KIRREL3: variants seen among roughly 807,000 people sequenced by gnomAD.
KIRREL3 encodes the protein kin of IRRE-like protein 3.
In KIRREL3, 36 loss-of-function variants were observed where a neutral mutation model predicts 89.7. The ratio of observed to expected loss-of-function variants is 0.40; its 90% CI spans 0.31 to 0.53. The LOEUF is 0.53. Among genes scored for constraint, KIRREL3 ranks in the 20% least tolerant of loss-of-function variants. The probability of loss-of-function intolerance (pLI) is 0.49; values close to 1 mark genes in which losing one functional copy is unlikely to be tolerated. For missense variants in KIRREL3, 864 were observed against 1,056.6 expected (o/e 0.82, Z 2.53); for synonymous variants, 445 against 441.4 (o/e 1.01, Z -0.10).
intron 1 of KIRREL3, among the ~76,000 whole-genome samples, chr11:126,660,313 T>C (rs1327811877): frequency 5.9e-5 from 9 of 152,182 alleles, no homozygotes; most frequent in African/African-American, 1.9e-4. Flanking sequence ...CAAATGATGA[T>C]ACCTCAGAGA....
In KIRREL3 at chr11:126,863,422, CATGT is replaced by C. The variant is rs1476999855; in HGVS notation, c.55+137029_55+137032del. ...GAGTGCGTGAGTGCGTGTGTGAGCG[CATGT>C]GTGTGAGTGCGTGTGTGAGTGTGTG... is the stretch of plus-strand genomic sequence containing the variant. On this transcript the variant is annotated intron_variant, in intron 1 of 16. Transcript: ENST00000525144. Among the ~76,000 whole-genome samples, 204 of 118,362 alleles carry C rather than the reference CATGT, an allele frequency of 1.7e-3. 6 individuals are homozygous for C. Among genetic ancestry groups the C allele is most frequent in the African/African-American group, 5.4e-3 (189 of 34,906 alleles). The allele number at this position is 118,362 out of a possible 152,430, so 77.7% of individuals were successfully genotyped here.
intron 1 of KIRREL3, among the ~76,000 whole-genome samples, chr11:126,923,185 TTC>T (rs61321144): frequency 0.1 from 2,693 of 26,606 alleles, 668 homozygotes; most frequent in Middle Eastern, 0.22. Flanking sequence ...TCTCTTCTTC[TTC>T]TCTTCTTCTT....
chr11:126,853,469 G>T (rs1001522258), intron 1 of KIRREL3, among the ~76,000 whole-genome samples: 1 of 152,082 alleles, frequency 6.6e-6, no homozygotes, highest in Non-Finnish European at 1.5e-5. Flanking sequence ...ATGGGTAAAA[G>T]AAGTGATGTC....
At position 126,463,043 on chromosome 11, in the gene KIRREL3, C is replaced by G; in HGVS notation, c.742+114G>C. 1 of 1,014,790 alleles carries G rather than the reference C, an allele frequency of 9.9e-7. No homozygotes were observed. Among genetic ancestry groups the G allele is most frequent in the South Asian group, 1.6e-5 (1 of 62,704 alleles). The allele number at this position is 1,014,790 out of a possible 1,614,324, so 62.9% of individuals were successfully genotyped here. ...CCGTATCTACAAGCTGGCCAATCCA[C>G]AGAGCTGCCTGACCCATTTCCTGCT... On this transcript the variant is annotated intron_variant, in intron 6 of 16. Coordinates refer to ENST00000525144, the MANE Select transcript of KIRREL3 (RefSeq NM_032531.4). The surrounding 1 kb of genome is among the most constrained non-coding windows in gnomAD (Gnocchi z 5.9).
chr11:126,451,837 A>G (rs78439938), intron 7 of KIRREL3, among the ~76,000 whole-genome samples: 1,903 of 152,190 alleles, frequency 0.013, 40 homozygotes, highest in African/African-American at 0.044. Context: ...AAACCACGGA[A>G]CTTCTCTTCA....
At chr11:126,452,398 C>T (rs914276185) in intron 7 of KIRREL3, among the ~76,000 whole-genome samples, 2 of 152,220 alleles carry the variant, frequency 1.3e-5, no homozygotes, top group African/African-American at 4.8e-5. Flanking sequence ...TTCCTTTCAC[C>T]CTGCTGAGGC....
At chr11:126,944,501 ATCGGGC>A (rs1174848328) in intron 1 of KIRREL3, 1 of 152,356 alleles carries the variant, frequency 6.6e-6, no homozygotes, top group Non-Finnish European at 1.5e-5. Context: ...CTTGGAGGGC[ATCGGGC>A]TTGGTTGCCA....
In KIRREL3 at chr11:126,693,218, A is replaced by C. The variant is rs111379937; in HGVS notation, c.56-130306T>G. Reference sequence around the variant, plus strand: ...CAGACTGCCTGAGATCAGGAGTTTGAGACCAGCCTGGGCAACACAGCGAAA... The same window carrying C: ...CAGACTGCCTGAGATCAGGAGTTTGCGACCAGCCTGGGCAACACAGCGAAA... On this transcript the variant is annotated intron_variant, in intron 1 of 16. Coordinates refer to ENST00000525144, the MANE Select transcript of KIRREL3 (RefSeq NM_032531.4). 1.0e-3 allele frequency among the ~76,000 whole-genome samples: 154 copies of C among 152,332 alleles called. 1 individual carries two copies. The highest frequency in any genetic ancestry group is 3.5e-3 in the African/African-American group (147 of 41,574).
chr11:126,842,356 C>T (rs1167842298), intron 1 of KIRREL3, among the ~76,000 whole-genome samples: 2 of 152,158 alleles, frequency 1.3e-5, no homozygotes, highest in East Asian at 1.9e-4. Flanking sequence ...TGAAAAAAAC[C>T]TCCCTTCATA....
Position 126,704,255 on chromosome 11 carries a change from C to A in KIRREL3, c.56-141343G>T, listed in dbSNP as rs1005512993. Reference sequence around the variant, plus strand: ...TGCATCATATCTGTTCATGTGCATGCATGTGCACAGCTGTTCCCCTTAACT... The same window carrying A: ...TGCATCATATCTGTTCATGTGCATGAATGTGCACAGCTGTTCCCCTTAACT... On this transcript the variant is annotated intron_variant, in intron 1 of 16. Transcript: ENST00000525144. The surrounding 1 kb of genome is among the most constrained non-coding windows in gnomAD (Gnocchi z 4.2). Among the ~76,000 whole-genome samples the A allele has an allele frequency of 6.6e-6, 1 of 152,184 alleles. No homozygotes were observed. The highest frequency in any genetic ancestry group is 2.4e-5 in the African/African-American group (1 of 41,438).
At position 126,475,830 on chromosome 11, in the gene KIRREL3, C is replaced by T. The variant is rs1332129325; in HGVS notation, c.434-2364G>A. 1.3e-5 allele frequency among the ~76,000 whole-genome samples: 2 copies of T among 152,208 alleles called. No individual in the cohort carries two copies. Among genetic ancestry groups the T allele is most frequent in the Admixed American group, 6.5e-5 (1 of 15,280 alleles). ...GGAGGAGGGGAATTGCATCTCCACG[C>T]GGTGAGTGGGGGACTTGCAGCAGGA... On this transcript the variant is annotated intron_variant, in intron 4 of 16. Coordinates refer to ENST00000525144, the MANE Select transcript of KIRREL3 (RefSeq NM_032531.4). The surrounding 1 kb of genome is among the most constrained non-coding windows in gnomAD (Gnocchi z 7.5).
At position 126,521,420 on chromosome 11, in the gene KIRREL3, G is replaced by T. The variant is rs754168795; in HGVS notation, c.328C>A (p.His110Asn). Reference sequence around the variant, plus strand: ...TCTGCCCTCAGGATCTTCAGGTGGTGCTCCCCTGACAGGTGGTTCCCTACC... The same window carrying T: ...TCTGCCCTCAGGATCTTCAGGTGGTTCTCCCCTGACAGGTGGTTCCCTACC... ...LVVGNHLSGE[H>N]HLKILRAELQ... Residue 110 changes from histidine (H) to asparagine (N), a missense_variant, in exon 4 of 17, where the codon CAC (histidine) becomes AAC (asparagine). Coordinates refer to ENST00000525144, the MANE Select transcript of KIRREL3 (RefSeq NM_032531.4). The surrounding 1 kb of genome is among the most constrained non-coding windows in gnomAD (Gnocchi z 4.1). 2 of 1,576,718 alleles carry T rather than the reference G, an allele frequency of 1.3e-6. No homozygotes were observed.
chr11:126,832,816 G>A (rs1285616297), intron 1 of KIRREL3, among the ~76,000 whole-genome samples: 1 of 152,162 alleles, frequency 6.6e-6, no homozygotes, highest in Admixed American at 6.5e-5. Flanking sequence ...CTTGTGCTTC[G>A]ATTCTTCAAG....
intron 1 of KIRREL3, among the ~76,000 whole-genome samples, chr11:126,648,499 G>A (rs745339987): frequency 6.6e-5 from 10 of 152,274 alleles, no homozygotes; most frequent in Non-Finnish European, 1.5e-4. Flanking sequence ...GCCTATAGGA[G>A]TACTTTATAT....
chr11:126,647,494 C>T lies in KIRREL3; in HGVS notation c.56-84582G>A, dbSNP rs1944735626. The stretch of plus-strand genomic sequence containing the variant: ...AATACTTCATTTATGCATACGTTTA[C>T]TCCTTTCATTCAGCAAACGTTTATC... On this transcript the variant is annotated intron_variant, in intron 1 of 16. Coordinates refer to ENST00000525144, the MANE Select transcript of KIRREL3 (RefSeq NM_032531.4). The surrounding 1 kb of genome is among the most constrained non-coding windows in gnomAD (Gnocchi z 4.9). Among the ~76,000 whole-genome samples the T allele has an allele frequency of 6.6e-6, 1 of 152,172 alleles. No homozygotes were observed. The highest frequency in any genetic ancestry group is 6.5e-5 in the Admixed American group (1 of 15,276).
At position 126,713,758 on chromosome 11, in the gene KIRREL3, A is replaced by G. The variant is rs527939047; in HGVS notation, c.56-150846T>C. On this transcript the variant is annotated intron_variant, in intron 1 of 16. Coordinates refer to ENST00000525144, the MANE Select transcript of KIRREL3 (RefSeq NM_032531.4). ...TTCCGTAGGGGGATCTGACCTGGCC[A>G]GAAGTGGGCGAGACCTCCTTGAAGA... 1.1e-3 allele frequency among the ~76,000 whole-genome samples: 164 copies of G among 152,276 alleles called. 2 individuals carry two copies. The South Asian group carries it at 0.024, about 23-fold the overall frequency.
intron 1 of KIRREL3, among the ~76,000 whole-genome samples, chr11:126,964,866 A>T (rs1949216527): frequency 2.0e-5 from 3 of 152,178 alleles, no homozygotes; most frequent in African/African-American, 4.8e-5. Flanking sequence ...GTCTGTATAG[A>T]GTAGACTCAG....
Position 126,668,627 on chromosome 11 carries a change from C to T in KIRREL3, c.56-105715G>A, listed in dbSNP as rs376014548. 2.6e-5 allele frequency among the ~76,000 whole-genome samples: 4 copies of T among 152,204 alleles called. No individual in the cohort carries two copies. Among genetic ancestry groups the T allele is most frequent in the South Asian group, 2.1e-4 (1 of 4,814 alleles). On this transcript the variant is annotated intron_variant, in intron 1 of 16. Transcript: ENST00000525144. The surrounding 1 kb of genome is among the most constrained non-coding windows in gnomAD (Gnocchi z 4.4). The stretch of plus-strand genomic sequence containing the variant: ...AGGATGACAGAGAGGCCCCCCTTCT[C>T]GGTTTTCTCAGATAGCATGCCATTT...
At chr11:126,533,123 T>C (rs986490104) in intron 2 of KIRREL3, among the ~76,000 whole-genome samples, 2 of 152,172 alleles carry the variant, frequency 1.3e-5, no homozygotes, top group Non-Finnish European at 2.9e-5. Flanking sequence ...AGGTAACTTT[T>C]ACAGAATGTC....
Sources: allele counts gnomAD v4.1 joint callset (sites outside exome capture counted in the v4.1 genomes callset), GRCh38; gene constraint gnomAD v4.1.1; non-coding constraint Gnocchi (gnomAD v3.1); transcripts MANE v1.5; gene names NCBI Gene and HGNC (gene_info 2026-07-23, HGNC 2026-07-21).